Variants in CLUAP1 observed in about 807,000 individuals in gnomAD.
CLUAP1 encodes the protein clusterin-associated protein 1.
Under a neutral mutation model 55.0 loss-of-function variants are expected in CLUAP1, and 50 were observed. The ratio of observed to expected loss-of-function variants is 0.91; its 90% CI spans 0.72 to 1.15. The LOEUF (loss-of-function observed/expected upper bound fraction) is 1.15. Ranked by LOEUF, CLUAP1 falls within the 50% of genes most tolerant of loss-of-function variation. CLUAP1 has a pLI of 0.00. For synonymous variants in CLUAP1, 195 were observed against 175.4 expected, an observed-to-expected ratio of 1.11 and a Z score of -0.88; for missense variants, 530 against 507.6, an observed-to-expected ratio of 1.04 and a Z score of -0.42.
At chr16:3,506,299 C>A in intron 2 of CLUAP1, 32 bp from the exon 3 acceptor site, 1 of 1,557,826 alleles carries the variant, frequency 6.4e-7, no homozygotes, top group South Asian at 1.1e-5. Flanking sequence ...CCTTGGTTAA[C>A]CCGTGCTCTC....
intron 6 of CLUAP1, among the ~76,000 whole-genome samples, chr16:3,516,037 G>C (rs769163579): frequency 6.6e-6 from 1 of 152,156 alleles, no homozygotes; most frequent in Non-Finnish European, 1.5e-5. Flanking sequence ...CAGATCATGA[G>C]GGTGACTCTA....
At chr16:3,495,537 C>A in the CLUAP1 span, 1 of 1,521,404 alleles carries the variant, frequency 6.6e-7, no homozygotes, top group African/African-American at 1.4e-5. Context: ...CTTATGACAT[C>A]ACGGGGAAGA....
chr16:3,524,657 C>A (rs2037907669), intron 8 of CLUAP1, among the ~76,000 whole-genome samples: 1 of 149,140 alleles, frequency 6.7e-6, no homozygotes, highest in African/African-American at 2.5e-5. Flanking sequence ...ATTGAATCAC[C>A]AGAATAGCTC....
At chr16:3,496,508 T>C, upstream of CLUAP1, 3 of 609,616 alleles carry the variant, frequency 4.9e-6, no homozygotes, top group Non-Finnish European at 3.1e-6. Flanking sequence ...TTAAGGTGTG[T>C]GCGCTGCCCG....
chr16:3,525,370 C>T (rs1416518833), intron 8 of CLUAP1, among the ~76,000 whole-genome samples: 3 of 152,144 alleles, frequency 2.0e-5, no homozygotes, highest in Admixed American at 6.5e-5. Context: ...GGGAGCCCCT[C>T]TACCCTACCC....
chr16:3,529,398 T>TTA (rs1405370677), intron 9 of CLUAP1, among the ~76,000 whole-genome samples: 4 of 110,742 alleles, frequency 3.6e-5, no homozygotes, highest in Admixed American at 1.5e-4. Flanking sequence ...TGTGTGTAGT[T>TTA]TATATATATA....
chr16:3,520,449 C>T (rs1368253670), intron 7 of CLUAP1, among the ~76,000 whole-genome samples: 1 of 152,080 alleles, frequency 6.6e-6, no homozygotes, highest in Non-Finnish European at 1.5e-5. Flanking sequence ...CTTAACTCTT[C>T]TCAAGCAATG....
intron 1 of CLUAP1, among the ~76,000 whole-genome samples, chr16:3,502,889 C>A (rs755977973): frequency 6.6e-6 from 1 of 152,200 alleles, no homozygotes. Flanking sequence ...TCTATTTTGA[C>A]AATAACACCG....
intron 1 of CLUAP1, chr16:3,502,197 C>T (rs1481164570): frequency 1.3e-5 from 2 of 152,224 alleles, no homozygotes; most frequent in African/African-American, 4.8e-5. Context: ...AATCCCAGCC[C>T]TTTGGAAGAC....
chr16:3,530,454 T>G, intron 9 of CLUAP1, 114 bp from the exon 10 acceptor site: 1 of 722,402 alleles, frequency 1.4e-6, no homozygotes, highest in Non-Finnish European at 2.4e-6. Context: ...CTTAATTTCC[T>G]GGATAGAATA....
At chr16:3,533,026 C>T (rs1047415157) in intron 11 of CLUAP1, 185 bp downstream of exon 11, 1 of 1,431,024 alleles carries the variant, frequency 7.0e-7, no homozygotes, top group East Asian at 2.5e-5. Flanking sequence ...GATGGCTCAT[C>T]TCTTTTCAAG....
chr16:3,529,822 A>AAT (rs556199302), intron 9 of CLUAP1, among the ~76,000 whole-genome samples: 8 of 34,206 alleles, frequency 2.3e-4, no homozygotes, highest in African/African-American at 6.2e-4. Flanking sequence ...ATTATAATAT[A>AAT]ATATATTATA....
In CLUAP1 at chr16:3,536,141, A is replaced by G; in HGVS notation, c.1112A>G (p.Glu371Gly). 1 of 1,614,182 alleles carries G rather than the reference A, an allele frequency of 6.2e-7. No homozygotes were observed. The highest frequency in any genetic ancestry group is 1.1e-5 in the South Asian group (1 of 91,080). ...CTATAGGAGGACTCGGAGGAGAGTG[A>G]AATTGACATGGAAGATGATGATGAC... ...SDDNEDSEES[E>G]IDMEDDDDED... The change falls in exon 12 of 12, where the codon GAA becomes GGA. Residue 371 changes from glutamate to glycine, a missense_variant. By Grantham distance (98) the Glu-to-Gly change is moderately conservative (BLOSUM62 -2). Transcript: ENST00000576634.
rs774621493 is a variant in CLUAP1 at position 3,523,148 on chromosome 16, C to G, written c.714-10C>G. 10 of 1,597,024 alleles carry G rather than the reference C, an allele frequency of 6.3e-6. No individual in the cohort carries two copies. In the East Asian group the frequency reaches 2.0e-4, roughly 33 times the overall value. ...TCACCTTTCCTTTTTATTTCATTTG[C>G]TTCTTTTAGGCCATGTTTTATGGAT... On this transcript the variant is annotated splice_polypyrimidine_tract_variant and intron_variant, in intron 7 of 11. Transcript: ENST00000576634.
chr16:3,507,641 C>T (rs2037533660), intron 3 of CLUAP1, among the ~76,000 whole-genome samples: 1 of 150,700 alleles, frequency 6.6e-6, no homozygotes, highest in Non-Finnish European at 1.5e-5. Context: ...GGGCCAAGTT[C>T]CATTCCAAAT....
upstream of CLUAP1, chr16:3,500,941 T>A: frequency 9.7e-7 from 1 of 1,026,838 alleles, no homozygotes; most frequent in African/African-American, 1.6e-5. Context: ...TCGCTTCGCT[T>A]TTTGTTTGTC....
chr16:3,517,982 G>GA (rs1363016736), intron 6 of CLUAP1, among the ~76,000 whole-genome samples: 3 of 152,192 alleles, frequency 2.0e-5, no homozygotes, highest in Non-Finnish European at 2.9e-5. Flanking sequence ...GACAAGTGGG[G>GA]ACAGTGGAGT....
Position 3,523,209 on chromosome 16 carries a change from G to C in CLUAP1, c.765G>C (p.Gln255His), listed in dbSNP as rs150154906. 5 of 1,613,754 alleles carry C rather than the reference G, an allele frequency of 3.1e-6. No individual in the cohort carries two copies. The Admixed American group carries it at 8.3e-5, about 27-fold the overall frequency. Residue 255 changes from glutamine to histidine, a missense_variant, in exon 8 of 12, where the codon CAG becomes CAC. Transcript: ENST00000576634. ...YEKTEEELQK[Q>H]YDTYLEKFQN... ...AGACTGAGGAAGAATTACAAAAGCA[G>C]TATGACACTTATCTGGAGAAATTTC... is the stretch of plus-strand genomic sequence containing the variant.
chr16:3,504,927 G>T, intron 2 of CLUAP1, 96 bp downstream of exon 2: 2 of 802,664 alleles, frequency 2.5e-6, no homozygotes, highest in Non-Finnish European at 4.3e-6. Flanking sequence ...CTGCAAAAGG[G>T]AAAGTTTTTG....
Sources: gnomAD v4.1 joint callset for allele counts (sites outside exome capture counted in the v4.1 genomes callset) on GRCh38, gnomAD v4.1.1 for gene constraint, MANE v1.5 for transcripts, NCBI Gene and HGNC (gene_info 2026-07-23, HGNC 2026-07-21) for gene names.